The following MYLK variants were observed in gnomAD, a reference collection of about 807,000 sequenced individuals.
The protein encoded by MYLK is myosin light chain kinase, smooth muscle.
In MYLK, 106 loss-of-function variants were observed where a neutral mutation model predicts 203.4. The observed-to-expected ratio is 0.52, with a 90% confidence interval of 0.45 to 0.61. The LOEUF (loss-of-function observed/expected upper bound fraction) is 0.61. Among genes scored for constraint, MYLK ranks in the 20% least tolerant of loss-of-function variants. The pLI is 0.00. For missense variants in MYLK, 2,072 were observed against 2,442.3 expected (o/e 0.85, Z 3.20); for synonymous variants, 867 against 959.5 (o/e 0.90, Z 1.78).
chr3:123,724,549 T>C (rs1265848385), intron 12 of MYLK, among the ~76,000 whole-genome samples: 1 of 152,078 alleles, frequency 6.6e-6, no homozygotes, highest in African/African-American at 2.4e-5. Flanking sequence ...CTCACTTACC[T>C]ACCCAAGAAC....
chr3:123,614,519 C>T (rs1235997608), intron 33 of MYLK, among the ~76,000 whole-genome samples, 170 bp from the exon 34 acceptor site: 1 of 152,176 alleles, frequency 6.6e-6, no homozygotes, highest in Non-Finnish European at 1.5e-5. Context: ...ATGGACATGT[C>T]TTGTAAATAC....
chr3:123,616,970 G>T (rs2057534435), intron 33 of MYLK: 2 of 152,058 alleles, frequency 1.3e-5, no homozygotes, highest in Admixed American at 1.3e-4. Flanking sequence ...AAGAAATCAA[G>T]AATTCTAATG....
rs199689555 is a variant in MYLK, at chr3:123,873,768, T to C, written c.-127+2791A>G. Among the ~76,000 whole-genome samples, 4 of 152,246 alleles carry C rather than the reference T, an allele frequency of 2.6e-5. No homozygotes were observed. The East Asian group carries it at 7.7e-4, about 29-fold the overall frequency. On this transcript the variant is annotated intron_variant, in intron 2 of 33. Coordinates refer to ENST00000360304, the MANE Select transcript of MYLK (RefSeq NM_053025.4). Reference sequence around the variant, plus strand: ...TACTAATCACATTAGATTTTCAAACTCTGCAAGTACACATTTTGCTGTACT... The same window carrying C: ...TACTAATCACATTAGATTTTCAAACCCTGCAAGTACACATTTTGCTGTACT...
chr3:123,786,160 G>A (rs977009497), intron 4 of MYLK, among the ~76,000 whole-genome samples: 22 of 151,830 alleles, frequency 1.4e-4, no homozygotes, highest in African/African-American at 4.4e-4. Flanking sequence ...AAAATTAGCC[G>A]GGTGTGGTGG....
Position 123,708,686 on chromosome 3 carries a change from G to C in MYLK, c.2140+12C>G, listed in dbSNP as rs1238500264. The C allele has an allele frequency of 6.2e-7, 1 of 1,613,802 alleles. No homozygotes were observed. Among genetic ancestry groups the C allele is most frequent in the Non-Finnish European group, 8.5e-7 (1 of 1,180,016 alleles). Reference sequence around the variant, plus strand: ...ATCTCCTTCCCACTCGCTCTGAGTGGGTCAGCCTCACCTTGTACCGTGAGC... The same window carrying C: ...ATCTCCTTCCCACTCGCTCTGAGTGCGTCAGCCTCACCTTGTACCGTGAGC... On this transcript the variant is annotated intron_variant, in intron 15 of 33. Coordinates refer to ENST00000360304, the MANE Select transcript of MYLK (RefSeq NM_053025.4).
intron 4 of MYLK, among the ~76,000 whole-genome samples, chr3:123,782,300 G>C (rs912071100): frequency 2.6e-5 from 4 of 152,202 alleles, no homozygotes; most frequent in Admixed American, 6.5e-5. Context: ...AGAAGAGCTA[G>C]AAAAGGCTTC....
At chr3:123,807,253 A>C (rs1449598175) in intron 3 of MYLK, among the ~76,000 whole-genome samples, 2 of 151,702 alleles carry the variant, frequency 1.3e-5, no homozygotes, top group Non-Finnish European at 1.5e-5. Flanking sequence ...ACATGGTGAA[A>C]CCTCCTCTCT....
chr3:123,692,984 A>G, intron 18 of MYLK, 133 bp from the exon 19 acceptor site: 1 of 761,942 alleles, frequency 1.3e-6, no homozygotes, highest in Non-Finnish European at 2.3e-6. Context: ...TGTGGGAACC[A>G]ATCCCCCACT....
At chr3:123,712,292 G>C (rs771737406) in intron 13 of MYLK, among the ~76,000 whole-genome samples, 2 of 152,220 alleles carry the variant, frequency 1.3e-5, no homozygotes, top group Non-Finnish European at 2.9e-5. Flanking sequence ...CGGGAGAGTT[G>C]AGGAATTTCC....
chr3:123,653,872 C>T (rs1290495336), intron 24 of MYLK, among the ~76,000 whole-genome samples: 2 of 152,322 alleles, frequency 1.3e-5, no homozygotes, highest in African/African-American at 2.4e-5. Context: ...TGCAATCTTA[C>T]TCCTTTTCCT....
Position 123,657,107 on chromosome 3 carries a change from T to TG in MYLK, c.4288+18dup, listed in dbSNP as rs746244517. On this transcript the variant is annotated intron_variant, in intron 24 of 33. Coordinates refer to ENST00000360304, the MANE Select transcript of MYLK (RefSeq NM_053025.4). ...ACGCACATTTGTTTCAAGCCACTGA[T>TG]GAAGTGATGGCAGCCTACCTTCAGG... The TG allele has an allele frequency of 3.7e-6, 6 of 1,614,138 alleles. No individual in the cohort carries two copies. Among genetic ancestry groups the TG allele is most frequent in the Non-Finnish European group, 4.2e-6 (5 of 1,179,964 alleles).
At chr3:123,861,732 C>CA (rs891894794) in intron 2 of MYLK, among the ~76,000 whole-genome samples, 1 of 152,204 alleles carries the variant, frequency 6.6e-6, no homozygotes, top group Non-Finnish European at 1.5e-5. Context: ...ACAGGTACCC[C>CA]AGCAGGTACT....
intron 4 of MYLK, among the ~76,000 whole-genome samples, chr3:123,780,814 G>T (rs138311680): frequency 4.1e-3 from 627 of 152,294 alleles, no homozygotes; most frequent in Non-Finnish European, 7.1e-3. Context: ...CACTGTCCTA[G>T]GTGCTATAGA....
intron 16 of MYLK, 57 bp downstream of exon 16, chr3:123,707,697 G>A (rs2061515364): frequency 1.9e-6 from 3 of 1,612,908 alleles, no homozygotes; most frequent in Non-Finnish European, 2.5e-6. Context: ...CCAGGTTAGG[G>A]GAGCTAGGAA....
At position 123,705,151 on chromosome 3, in the gene MYLK, T is replaced by C. The variant is rs1381929032; in HGVS notation, c.2390+2603A>G. On this transcript the variant is annotated intron_variant, in intron 16 of 33. Coordinates refer to ENST00000360304, the MANE Select transcript of MYLK (RefSeq NM_053025.4). Reference sequence around the variant, plus strand: ...CCCCCTGCACACCGGACCCCCGGCTTCCTCCCAGCCATCCAGTCATTCCCC... The same window carrying C: ...CCCCCTGCACACCGGACCCCCGGCTCCCTCCCAGCCATCCAGTCATTCCCC... Among the ~76,000 whole-genome samples, 4 of 150,324 alleles carry C rather than the reference T, an allele frequency of 2.7e-5. No homozygotes were observed. In the East Asian group the frequency reaches 7.8e-4, roughly 29 times the overall value.
At chr3:123,748,925 C>T (rs1452945762) in intron 5 of MYLK, among the ~76,000 whole-genome samples, 10 of 152,030 alleles carry the variant, frequency 6.6e-5, no homozygotes, top group East Asian at 1.9e-4. Flanking sequence ...AAAAATTAGC[C>T]GGGCGTGATG....
rs1485742938 is a variant in MYLK at position 123,610,708 on chromosome 3, G to A, written c.*3397C>T. 6.6e-6 allele frequency: 1 copy of A among 152,066 alleles called. No homozygotes were observed. Among genetic ancestry groups the A allele is most frequent in the Non-Finnish European group, 1.5e-5 (1 of 68,012 alleles). 9.4% of individuals were successfully genotyped at this position (152,066 alleles called of 1,614,324 possible). On this transcript the variant is annotated 3_prime_UTR_variant, in exon 34 of 34. Transcript: ENST00000360304. ...GGATAAAGAGAGTAGTGCTACTTGT[G>A]TTTTCTTGAAAAATGGAGAATTGGG...
chr3:123,664,326 TC>T (rs1178583679), intron 22 of MYLK, 68 bp from the exon 23 acceptor site: 2 of 1,590,690 alleles, frequency 1.3e-6, no homozygotes, highest in Non-Finnish European at 1.7e-6. Context: ...AGGGGGCTCC[TC>T]CCCATTCCCT....
intron 11 of MYLK, 98 bp from the exon 12 acceptor site, chr3:123,726,176 G>A (rs956116509): frequency 5.9e-6 from 9 of 1,525,218 alleles, no homozygotes; most frequent in Admixed American, 5.5e-5. Context: ...CACTGTCCTG[G>A]ACACCTGGGT....
Sources: gnomAD v4.1 joint callset for allele counts (sites outside exome capture counted in the v4.1 genomes callset) on GRCh38, gnomAD v4.1.1 for gene constraint, MANE v1.5 for transcripts, NCBI Gene and HGNC (gene_info 2026-07-23, HGNC 2026-07-21) for gene names.